Variants in TMBIM6 observed in about 807,000 individuals in gnomAD.
TMBIM6 encodes the protein transmembrane BAX inhibitor motif containing 6, also known as bax inhibitor 1.
A neutral mutation model predicts 31.4 loss-of-function variants in TMBIM6; 13 were observed. The ratio of observed to expected loss-of-function variants is 0.41; its 90% CI spans 0.27 to 0.66. TMBIM6 has a LOEUF of 0.66. TMBIM6 is among the 30% of genes least tolerant of loss of function. The pLI is 0.28. For missense variants in TMBIM6, 275 were observed against 289.5 expected (o/e 0.95, Z 0.36); for synonymous variants, 85 against 101.7 (o/e 0.84, Z 0.99).
At position 49,743,044 on chromosome 12, in the gene TMBIM6, G is replaced by T. The variant is rs1945327277; in HGVS notation, c.-31+1433G>T. On this transcript the variant is annotated intron_variant, in intron 1 of 9. Coordinates refer to ENST00000267115, the MANE Select transcript of TMBIM6 (RefSeq NM_003217.3). ...CTGTCGCCCAGGCTAGAGTGCAGTG[G>T]CGCAGTCATGGCTCACTTGAACCTT... Among the ~76,000 whole-genome samples, 5 of 146,494 alleles carry T rather than the reference G, an allele frequency of 3.4e-5. No homozygotes were observed. In the Admixed American group the frequency reaches 3.5e-4, roughly 10 times the overall value.
intron 1 of TMBIM6, among the ~76,000 whole-genome samples, chr12:49,746,510 T>C (rs1418679925): frequency 1.3e-5 from 2 of 152,210 alleles, no homozygotes; most frequent in South Asian, 2.1e-4. Context: ...TTAAGAACTT[T>C]ATTTGTATTA....
At position 49,758,500 on chromosome 12, in the gene TMBIM6, CAG is replaced by C. The variant is rs779536359; in HGVS notation, c.433+21_433+22del. On this transcript the variant is annotated intron_variant, in intron 6 of 9. Transcript: ENST00000267115. ...TGGGAGGTAAGTGTGAACTGGGAAA[CAG>C]GGAATGGGGGCTCCTTTTTAGCCAG... is the stretch of plus-strand genomic sequence containing the variant. The C allele has an allele frequency of 3.2e-5, 52 of 1,611,914 alleles. No homozygotes were observed. Among genetic ancestry groups the C allele is most frequent in the East Asian group, 8.9e-5 (4 of 44,892 alleles).
In TMBIM6 at chr12:49,764,710, TAAAAA is replaced by T. The variant is rs917382791; in HGVS notation, c.*1822_*1826del. 2.0e-5 allele frequency: 2 copies of T among 101,782 alleles called. No homozygotes were observed. The highest frequency in any genetic ancestry group is 4.0e-5 in the Non-Finnish European group (2 of 50,084). The allele number at this position is 101,782 out of a possible 1,614,324, so 6.3% of individuals were successfully genotyped here. ...AACAGTGCCAAGAATGACAAGATAT[TAAAAA>T]AAAAAAAGAAAGAAAAAAAAAAAAA... On this transcript the variant is annotated 3_prime_UTR_variant, in exon 10 of 10. Coordinates refer to ENST00000267115, the MANE Select transcript of TMBIM6 (RefSeq NM_003217.3).
At chr12:49,747,311 G>T (rs77109243) in intron 1 of TMBIM6, among the ~76,000 whole-genome samples, 1 of 152,000 alleles carries the variant, frequency 6.6e-6, no homozygotes, top group African/African-American at 2.4e-5. Context: ...TTGCTGTGTT[G>T]CCCAGGCTGG....
intron 1 of TMBIM6, chr12:49,743,676 A>G (rs1228268146): frequency 2.6e-5 from 4 of 152,212 alleles, no homozygotes; most frequent in Admixed American, 6.5e-5. Context: ...ATAGGAATCA[A>G]TGTATGTTTT....
chr12:49,758,848 T>C (rs1399705992), intron 7 of TMBIM6, 86 bp downstream of exon 7: 2 of 1,201,288 alleles, frequency 1.7e-6, no homozygotes, highest in East Asian at 4.7e-5. Flanking sequence ...CTTCTTTCTG[T>C]ACTACTTTGG....
chr12:49,753,539 G>T (rs1230582974), intron 3 of TMBIM6, among the ~76,000 whole-genome samples: 1 of 152,192 alleles, frequency 6.6e-6, no homozygotes, highest in East Asian at 1.9e-4. Flanking sequence ...TCAACAATTT[G>T]TTTTCCTGTA....
chr12:49,761,995 A>G (rs994722689), intron 9 of TMBIM6: 12 of 510,352 alleles, frequency 2.4e-5, no homozygotes, highest in African/African-American at 3.9e-5. Flanking sequence ...TGCGTTTAGT[A>G]TGAAAGGGAA....
intron 1 of TMBIM6, among the ~76,000 whole-genome samples, chr12:49,747,927 G>A (rs1183040154): frequency 3.9e-5 from 6 of 151,924 alleles, no homozygotes; most frequent in African/African-American, 1.2e-4. Context: ...TTTTTTACAC[G>A]TAGTCTCGCA....
rs717135 is a variant in TMBIM6, at chr12:49,762,715, G to A, written c.691-158G>A. Among the ~76,000 whole-genome samples the A allele has an allele frequency of 7.2e-3, 1,099 of 152,320 alleles. 11 individuals are homozygous for A. Among genetic ancestry groups the A allele is most frequent in the African/African-American group, 0.025 (1,033 of 41,566 alleles). ...CAACTTTGGGAACCACCAGTAGGAT[G>A]TGGTTAAGATTCAGTTCTTGCTGAG... On this transcript the variant is annotated intron_variant, in intron 9 of 9. Coordinates refer to ENST00000267115, the MANE Select transcript of TMBIM6 (RefSeq NM_003217.3).
chr12:49,748,197 C>T (rs1042647332), intron 1 of TMBIM6, among the ~76,000 whole-genome samples: 6 of 152,030 alleles, frequency 3.9e-5, no homozygotes, highest in African/African-American at 1.4e-4. Flanking sequence ...CCACCGCACC[C>T]AGCCTGTTTT....
rs940063719 is a variant in TMBIM6 at position 49,763,214 on chromosome 12, G to A, written c.*318G>A. 4.5e-5 allele frequency: 12 copies of A among 266,050 alleles called. No homozygotes were observed. The highest frequency in any genetic ancestry group is 1.9e-4 in the East Asian group (3 of 15,842). 16.5% of individuals were successfully genotyped at this position (266,050 alleles called of 1,614,324 possible). On this transcript the variant is annotated 3_prime_UTR_variant, in exon 10 of 10. Coordinates refer to ENST00000267115, the MANE Select transcript of TMBIM6 (RefSeq NM_003217.3). ...CAGAGGGCGCCAACTTCAGGAGTCC[G>A]CTTTCCCACCAGGCTTCATTCACCC...
At chr12:49,757,859 CT>C (rs1275172819) in intron 4 of TMBIM6, among the ~76,000 whole-genome samples, 2 of 152,156 alleles carry the variant, frequency 1.3e-5, no homozygotes, top group African/African-American at 4.8e-5. Context: ...CCACGAGGCA[CT>C]GTTTTGCTCT....
intron 8 of TMBIM6, among the ~76,000 whole-genome samples, 178 bp downstream of exon 8, chr12:49,759,499 AT>A (rs1945671823): frequency 1.3e-5 from 2 of 152,262 alleles, no homozygotes; most frequent in South Asian, 4.1e-4. Flanking sequence ...AAGATTTCAG[AT>A]TTTTTAAAAA....
rs183326220 is a variant in TMBIM6, at chr12:49,756,901, A to T, written c.286+1146A>T. On this transcript the variant is annotated intron_variant, in intron 4 of 9. Transcript: ENST00000267115. ...ATAGGCATCAACCACCACGCCAGCT[A>T]ATCTTTTGTATTTTTAGTAGAGATG... is the stretch of plus-strand genomic sequence containing the variant. Among the ~76,000 whole-genome samples, 533 of 150,086 alleles carry T rather than the reference A, an allele frequency of 3.6e-3. 1 individual carries two copies. Among genetic ancestry groups the T allele is most frequent in the Middle Eastern group, 0.017 (5 of 288 alleles).
rs745385517 is a variant in TMBIM6 at position 49,762,910 on chromosome 12, C to A, written c.*14C>A. The stretch of plus-strand genomic sequence containing the variant: ...GAGAAGAAATGAAGTGACCATCCAG[C>A]CTTTCCCAATTAGACTTCCTCTCCT... On this transcript the variant is annotated 3_prime_UTR_variant, in exon 10 of 10. Transcript: ENST00000267115. The A allele has an allele frequency of 1.2e-6, 2 of 1,611,404 alleles. No homozygotes were observed. The highest frequency in any genetic ancestry group is 2.7e-5 in the African/African-American group (2 of 74,858).
intron 8 of TMBIM6, among the ~76,000 whole-genome samples, chr12:49,761,136 C>CT (rs368267955): frequency 6.1e-4 from 92 of 150,850 alleles, no homozygotes; most frequent in African/African-American, 2.0e-3. Context: ...GTGCTCGGCA[C>CT]TTTTTTTTTA....
In TMBIM6 at chr12:49,753,032, T is replaced by G; in HGVS notation, c.116T>G (p.Phe39Cys). 6.2e-7 allele frequency: 1 copy of G among 1,614,108 alleles called. No individual in the cohort carries two copies. Among genetic ancestry groups the G allele is most frequent in the Non-Finnish European group, 8.5e-7 (1 of 1,179,992 alleles). The change falls in exon 3 of 10, where the codon TTT (phenylalanine) becomes TGT (cysteine). Residue 39 changes from phenylalanine to cysteine, a missense_variant. By Grantham distance (205) the Phe-to-Cys change is radical. Transcript: ENST00000267115. ...KVYASFALCMFVAAAGAYVHM... is the reference protein window; with the variant it reads ...KVYASFALCMCVAAAGAYVHM... ...TATGCAAGTTTTGCCCTTTGTATGT[T>G]TGTGGCGGCTGCAGGGGCCTATGTC... is the stretch of plus-strand genomic sequence containing the variant.
chr12:49,758,033 T>TA lies in TMBIM6; in HGVS notation c.287-180dup, dbSNP rs774037062. Among the ~76,000 whole-genome samples, 695 of 132,900 alleles carry TA rather than the reference T, an allele frequency of 5.2e-3. 1 individual carries two copies. Among genetic ancestry groups the TA allele is most frequent in the Admixed American group, 5.3e-3 (71 of 13,308 alleles). The allele number at this position is 132,900 out of a possible 152,430, so 87.2% of individuals were successfully genotyped here. A position where few individuals can be genotyped will look rare whatever the true frequency, so the allele number is the denominator to read the frequency against. On this transcript the variant is annotated intron_variant, in intron 4 of 9. Transcript: ENST00000267115. ...GAGGACAATTTTGCAGCTATTTCTATAAAAAAAAAAAAAACAACGCAGTCA... is the reference window on the plus strand; with the variant it reads ...GAGGACAATTTTGCAGCTATTTCTATAAAAAAAAAAAAAAACAACGCAGTCA...
Sources: gnomAD v4.1 joint callset for allele counts (sites outside exome capture counted in the v4.1 genomes callset) on GRCh38, gnomAD v4.1.1 for gene constraint, MANE v1.5 for transcripts, NCBI Gene and HGNC (gene_info 2026-07-23, HGNC 2026-07-21) for gene names.